PAX5: variants seen among roughly 807,000 people sequenced by gnomAD.
PAX5 encodes the protein paired box 5.
PAX5 carries 9 observed loss-of-function variants against 43.7 expected under a neutral mutation model. The observed-to-expected ratio is 0.21, with a 90% confidence interval of 0.12 to 0.36. The LOEUF (loss-of-function observed/expected upper bound fraction) is 0.36, where lower values mean the gene tolerates loss of function less well. Among genes scored for constraint, PAX5 ranks in the 10% least tolerant of loss-of-function variants. The pLI is 1.00. For missense variants in PAX5, 383 were observed against 532.7 expected (o/e 0.72, Z 2.77); for synonymous variants, 228 against 214.3 (o/e 1.06, Z -0.56).
At chr9:36,883,865 C>T (rs934839729) in intron 7 of PAX5, among the ~76,000 whole-genome samples, 9 of 152,020 alleles carry the variant, frequency 5.9e-5, no homozygotes, top group Admixed American at 4.6e-4. Flanking sequence ...GAAACACACT[C>T]CACATGAATG....
chr9:37,031,214 A>T (rs537662152), intron 1 of PAX5, among the ~76,000 whole-genome samples: 1 of 152,188 alleles, frequency 6.6e-6, no homozygotes, highest in Admixed American at 6.5e-5. Context: ...TGTTATCATT[A>T]CCAGCATGTC....
At chr9:37,013,094 A>G (rs1839088145) in intron 3 of PAX5, among the ~76,000 whole-genome samples, 1 of 152,016 alleles carries the variant, frequency 6.6e-6, no homozygotes. Context: ...CTACATAAAA[A>G]AAAAATTAAT....
At chr9:36,893,193 A>C (rs1288715065) in intron 7 of PAX5, among the ~76,000 whole-genome samples, 1 of 152,250 alleles carries the variant, frequency 6.6e-6, no homozygotes, top group African/African-American at 2.4e-5. Context: ...AGAGATAATA[A>C]TGAACCAAGA....
intron 5 of PAX5, among the ~76,000 whole-genome samples, chr9:36,969,451 G>C (rs1258385421): frequency 6.6e-6 from 1 of 152,250 alleles, no homozygotes; most frequent in African/African-American, 2.4e-5. Context: ...TGGGGGCAAG[G>C]TCACTGTCTG....
At chr9:36,888,560 C>T (rs1827099754) in intron 7 of PAX5, among the ~76,000 whole-genome samples, 1 of 152,148 alleles carries the variant, frequency 6.6e-6, no homozygotes, top group Non-Finnish European at 1.5e-5. Flanking sequence ...ATACAAATGT[C>T]CAAGATAGGC....
intron 6 of PAX5, among the ~76,000 whole-genome samples, chr9:36,938,213 T>G (rs1052550532): frequency 6.6e-6 from 1 of 152,264 alleles, no homozygotes; most frequent in African/African-American, 2.4e-5. Flanking sequence ...TTTGTGGTTA[T>G]GTGTTAATTC....
chr9:36,871,252 C>T (rs570310850), intron 8 of PAX5, among the ~76,000 whole-genome samples: 17 of 152,350 alleles, frequency 1.1e-4, no homozygotes, highest in African/African-American at 3.4e-4. Context: ...CTGCAGTCCT[C>T]GTCCAGTCCT....
chr9:36,873,028 G>T (rs551572059), intron 8 of PAX5, among the ~76,000 whole-genome samples: 1 of 152,128 alleles, frequency 6.6e-6, no homozygotes, highest in South Asian at 2.1e-4. Flanking sequence ...GGCTTCTCAC[G>T]CACTGGTCCC....
chr9:36,896,948 T>C (rs1390886205), intron 7 of PAX5, among the ~76,000 whole-genome samples: 1 of 152,164 alleles, frequency 6.6e-6, no homozygotes, highest in African/African-American at 2.4e-5. Flanking sequence ...AGCTCTCACA[T>C]GTAGCAAAGA....
intron 6 of PAX5, among the ~76,000 whole-genome samples, chr9:36,949,674 G>A (rs965335483): frequency 1.3e-5 from 2 of 152,138 alleles, no homozygotes; most frequent in African/African-American, 4.8e-5. Flanking sequence ...ATGACACTAT[G>A]CTACTTCCAG....
chr9:37,015,295 C>T lies in PAX5; in HGVS notation c.213-101G>A, dbSNP rs1839296519. 2.0e-6 allele frequency: 2 copies of T among 1,011,734 alleles called. No homozygotes were observed. The highest frequency in any genetic ancestry group is 3.1e-6 in the Non-Finnish European group (2 of 654,458). 62.7% of individuals were successfully genotyped at this position (1,011,734 alleles called of 1,614,324 possible). ...TCTGGCCAGGAAACGTCCGGATCTG[C>T]ACGTTCCAATACAGTAGCCACCAGC... On this transcript the variant is annotated intron_variant, in intron 2 of 9. Coordinates refer to ENST00000358127, the MANE Select transcript of PAX5 (RefSeq NM_016734.3). The surrounding 1 kb of genome is among the most constrained non-coding windows in gnomAD (Gnocchi z 4.4).
intron 4 of PAX5, among the ~76,000 whole-genome samples, chr9:37,004,587 C>T (rs1838223281): frequency 6.6e-6 from 1 of 152,244 alleles, no homozygotes; most frequent in Non-Finnish European, 1.5e-5. Flanking sequence ...TCACATCTTC[C>T]TTAAGAGACA....
At chr9:36,844,594 A>C (rs1236788803) in intron 9 of PAX5, among the ~76,000 whole-genome samples, 3 of 152,092 alleles carry the variant, frequency 2.0e-5, no homozygotes, top group Non-Finnish European at 2.9e-5. Context: ...GGTACTGAGC[A>C]CTTCCCAGCC....
rs1587710253 is a variant in PAX5, at chr9:36,836,958, G to A, written c.*3602C>T. On this transcript the variant is annotated 3_prime_UTR_variant, in exon 10 of 10. Transcript: ENST00000358127. ...GATGAAACCTCAGAAGCACTGTTGTGGATTTGGTCAAAGACTCCGCAGGTT... is the reference window on the plus strand; with the variant it reads ...GATGAAACCTCAGAAGCACTGTTGTAGATTTGGTCAAAGACTCCGCAGGTT... The A allele has an allele frequency of 4.3e-6, 1 of 232,648 alleles. No homozygotes were observed. The highest frequency in any genetic ancestry group is 8.5e-6 in the Non-Finnish European group (1 of 117,662). The allele number at this position is 232,648 out of a possible 1,614,324, so 14.4% of individuals were successfully genotyped here. A position where few individuals can be genotyped will look rare whatever the true frequency, so the allele number is the denominator to read the frequency against.
chr9:36,937,129 C>T (rs1831625911), intron 6 of PAX5, among the ~76,000 whole-genome samples: 1 of 152,288 alleles, frequency 6.6e-6, no homozygotes, highest in East Asian at 1.9e-4. Context: ...CCCCCTACAC[C>T]CTCACATACC....
intron 7 of PAX5, among the ~76,000 whole-genome samples, chr9:36,892,155 C>G (rs1827453971): frequency 1.3e-5 from 2 of 152,324 alleles, no homozygotes; most frequent in South Asian, 4.2e-4. Context: ...GCAGCTCTAC[C>G]ACACTGATGG....
chr9:36,908,198 CAA>C (rs35684707), intron 7 of PAX5, among the ~76,000 whole-genome samples: 6 of 113,138 alleles, frequency 5.3e-5, no homozygotes, highest in Admixed American at 8.8e-5. Flanking sequence ...GACCCTGTTT[CAA>C]AAAAAAAAAA....
intron 5 of PAX5, among the ~76,000 whole-genome samples, chr9:36,975,145 C>A (rs1835310914): frequency 6.6e-6 from 1 of 152,228 alleles, no homozygotes; most frequent in African/African-American, 2.4e-5. Flanking sequence ...ATTCTGTGAA[C>A]TCAGTCCTCT....
intron 3 of PAX5, among the ~76,000 whole-genome samples, chr9:37,013,321 C>A (rs759737766): frequency 2.6e-5 from 4 of 152,124 alleles, no homozygotes; most frequent in Non-Finnish European, 5.9e-5. Flanking sequence ...TTTGCCTGGC[C>A]TGCTTCCCTC....
Sources: gnomAD v4.1 joint callset for allele counts (sites outside exome capture counted in the v4.1 genomes callset) on GRCh38, gnomAD v4.1.1 for gene constraint, Gnocchi (gnomAD v3.1) non-coding constraint, MANE v1.5 for transcripts, NCBI Gene and HGNC (gene_info 2026-07-23, HGNC 2026-07-21) for gene names.